The following RYR2 variants were observed in gnomAD, a reference collection of about 807,000 sequenced individuals.
The protein encoded by RYR2 is cardiac muscle ryanodine receptor-calcium release channel.
In RYR2, 227 loss-of-function variants were observed where a neutral mutation model predicts 601.1. The observed-to-expected ratio is 0.38, with a 90% confidence interval of 0.34 to 0.42. The LOEUF (loss-of-function observed/expected upper bound fraction) is 0.42. Among genes scored for constraint, RYR2 ranks in the 10% least tolerant of loss-of-function variants. RYR2 has a pLI of 1.00. For synonymous variants in RYR2, 2,223 were observed against 2,175.1 expected (o/e 1.02, Z -0.61); for missense variants, 4,646 against 6,156.5 (o/e 0.75, Z 8.21).
chr1:237,534,371 A>T (rs1668407296), intron 25 of RYR2, among the ~76,000 whole-genome samples: 1 of 152,098 alleles, frequency 6.6e-6, no homozygotes, highest in Admixed American at 6.5e-5. Flanking sequence ...ATGCAATCAC[A>T]GTGATAGACC....
chr1:237,682,804 G>A (rs10802629), intron 62 of RYR2, among the ~76,000 whole-genome samples: 20,994 of 152,146 alleles, frequency 0.14, 2,148 homozygotes, highest in African/African-American at 0.29. Flanking sequence ...AAAGGAGCAT[G>A]TGCCATTTAA....
intron 92 of RYR2, among the ~76,000 whole-genome samples, chr1:237,789,302 T>G (rs1234329490): frequency 6.6e-6 from 1 of 152,214 alleles, no homozygotes; most frequent in Non-Finnish European, 1.5e-5. Flanking sequence ...CTGTCCTCAG[T>G]AATTATATAT....
At chr1:237,690,554 C>G (rs1686847373) in intron 63 of RYR2, among the ~76,000 whole-genome samples, 1 of 152,144 alleles carries the variant, frequency 6.6e-6, no homozygotes, top group African/African-American at 2.4e-5. Flanking sequence ...AACTAGTAGA[C>G]TTAGCCCTTT....
chr1:237,594,886 G>GTTTTTTTTGTTTTTTTTT (rs1675642723), intron 33 of RYR2, among the ~76,000 whole-genome samples: 5 of 60,418 alleles, frequency 8.3e-5, no homozygotes, highest in South Asian at 7.1e-4. Context: ...ATATCACTGG[G>GTTTTTTTTGTTTTTTTTT]TTTTTTTTTT....
chr1:237,793,495 G>T (rs1010402975), intron 94 of RYR2, among the ~76,000 whole-genome samples: 3 of 152,164 alleles, frequency 2.0e-5, no homozygotes, highest in Admixed American at 1.3e-4. Flanking sequence ...ATGCATTTGG[G>T]AACATTGCTG....
chr1:237,220,391 C>T (rs545691151), intron 1 of RYR2, among the ~76,000 whole-genome samples: 3 of 152,290 alleles, frequency 2.0e-5, no homozygotes, highest in East Asian at 1.9e-4. Context: ...CAGGCCTGAC[C>T]GGTGGTGTGC....
At chr1:237,581,952 T>C (rs958131763) in intron 29 of RYR2, among the ~76,000 whole-genome samples, 2 of 152,208 alleles carry the variant, frequency 1.3e-5, no homozygotes, top group Non-Finnish European at 2.9e-5. Flanking sequence ...AATAGCCTGT[T>C]TTCATTTCCT....
chr1:237,229,984 A>T (rs1359016453), intron 1 of RYR2, among the ~76,000 whole-genome samples: 2 of 151,968 alleles, frequency 1.3e-5, no homozygotes, highest in Admixed American at 1.3e-4. Flanking sequence ...CCCTTTTTTT[A>T]TATAGAGCTT....
chr1:237,786,994 G>A (rs751299151), intron 91 of RYR2, among the ~76,000 whole-genome samples: 2 of 152,066 alleles, frequency 1.3e-5, no homozygotes, highest in Non-Finnish European at 2.9e-5. Context: ...TACCTCATAT[G>A]AGTTAAGATT....
At chr1:237,532,369 C>T (rs1244369749) in intron 25 of RYR2, among the ~76,000 whole-genome samples, 1 of 151,896 alleles carries the variant, frequency 6.6e-6, no homozygotes, top group Non-Finnish European at 1.5e-5. Flanking sequence ...GTTAAGTTAA[C>T]CAAAAACCAT....
chr1:237,761,324 T>C (rs1337664500), intron 84 of RYR2, among the ~76,000 whole-genome samples: 1 of 152,176 alleles, frequency 6.6e-6, no homozygotes, highest in Non-Finnish European at 1.5e-5. Flanking sequence ...TAGAGAATTT[T>C]CTGGGAAATC....
At chr1:237,344,289 T>C (rs889897272) in intron 3 of RYR2, among the ~76,000 whole-genome samples, 1 of 152,178 alleles carries the variant, frequency 6.6e-6, no homozygotes, top group African/African-American at 2.4e-5. Context: ...TGTCTGTAAC[T>C]ATTGCACGCT....
At chr1:237,730,223 T>C (rs757617560) in intron 76 of RYR2, 37 bp from the exon 77 acceptor site, 5 of 1,194,644 alleles carry the variant, frequency 4.2e-6, no homozygotes, top group South Asian at 1.2e-5. Context: ...ACTTATTTTC[T>C]AAACACCCTT....
intron 3 of RYR2, among the ~76,000 whole-genome samples, chr1:237,345,481 T>TAAAAAAAAAAAAATAA (rs898741264): frequency 2.1e-5 from 3 of 144,834 alleles, no homozygotes; most frequent in Non-Finnish European, 4.5e-5. Context: ...AAATAAAAAA[T>TAAAAAAAAAAAAATAA]AAAAAAAAAT....
Position 237,157,295 on chromosome 1 carries a change from C to CAAAAAAA in RYR2, c.49-113182_49-113176dup, listed in dbSNP as rs33922740. The stretch of plus-strand genomic sequence containing the variant: ...TGGGTGACAGAGTGAGACTCCATCT[C>CAAAAAAA]AAAAAAAAAAAAAAAAAAAAAAAAA... On this transcript the variant is annotated intron_variant, in intron 1 of 104. Transcript: ENST00000366574. 8.7e-4 allele frequency among the ~76,000 whole-genome samples: 55 copies of CAAAAAAA among 63,498 alleles called. 1 individual carries two copies. The highest frequency in any genetic ancestry group is 2.0e-3 in the African/African-American group (31 of 15,582). 41.7% of individuals were successfully genotyped at this position (63,498 alleles called of 152,430 possible).
At chr1:237,345,469 A>C (rs1698214939) in intron 3 of RYR2, among the ~76,000 whole-genome samples, 1 of 150,878 alleles carries the variant, frequency 6.6e-6, no homozygotes, top group Admixed American at 6.6e-5. Context: ...ATAAAAAATA[A>C]AAAATAAAAA....
chr1:237,725,551 T>G (rs575126090), intron 74 of RYR2, among the ~76,000 whole-genome samples: 1 of 152,250 alleles, frequency 6.6e-6, no homozygotes, highest in South Asian at 2.1e-4. Flanking sequence ...GTAGGTTATC[T>G]CCATTGAATT....
At chr1:237,166,945 T>C (rs1676775298) in intron 1 of RYR2, among the ~76,000 whole-genome samples, 1 of 152,228 alleles carries the variant, frequency 6.6e-6, no homozygotes, top group Non-Finnish European at 1.5e-5. Context: ...TGAAGTTAAA[T>C]GCTTTTGTTT....
chr1:237,156,287 G>T (rs1224967191), intron 1 of RYR2, among the ~76,000 whole-genome samples: 1 of 152,156 alleles, frequency 6.6e-6, no homozygotes, highest in Non-Finnish European at 1.5e-5. Context: ...CCACCAAATT[G>T]TACATTTTAA....
Sources: allele counts gnomAD v4.1 joint callset (sites outside exome capture counted in the v4.1 genomes callset), GRCh38; gene constraint gnomAD v4.1.1; transcripts MANE v1.5; gene names NCBI Gene and HGNC (gene_info 2026-07-23, HGNC 2026-07-21).